Variants in ASB9 observed in about 807,000 individuals in gnomAD.
The protein encoded by ASB9 is ankyrin repeat and SOCS box containing 9, also known as ankyrin repeat and SOCS box protein 9.
A neutral mutation model predicts 16.6 loss-of-function variants in ASB9; 5 were observed. The observed-to-expected ratio is 0.30, with a 90% CI of 0.16 to 0.63. The LOEUF is 0.63. Ranked by LOEUF, ASB9 falls within the 30% of genes least tolerant of loss-of-function variation. The pLI is 0.82. For missense variants in ASB9, 216 were observed against 229.4 expected (o/e 0.94, Z 0.38); for synonymous variants, 100 against 86.4 (o/e 1.16, Z -0.87).
intron 5 of ASB9, among the ~76,000 whole-genome samples, chrX:15,249,205 T>C (rs1049444267): frequency 5.4e-5 from 6 of 112,128 alleles, no homozygotes; most frequent in African/African-American, 1.9e-4. Context: ...ATGATGCATA[T>C]AAGAAAAATC....
intron 2 of ASB9, among the ~76,000 whole-genome samples, chrX:15,257,818 T>C (rs1445205820): frequency 1.8e-5 from 2 of 112,576 alleles, no homozygotes; most frequent in Non-Finnish European, 3.7e-5. Flanking sequence ...ACTTTGGATG[T>C]GGTCATGTGA....
rs763038775 is a variant in ASB9 at position 15,258,891 on chromosome X, A to G, written c.149T>C (p.Leu50Pro). The G allele has an allele frequency of 2.5e-6, 3 of 1,211,469 alleles. No homozygotes were observed. The Admixed American group carries it at 6.5e-5, about 26-fold the overall frequency. Residue 50 changes from leucine to proline, a missense_variant, in exon 2 of 7, where the codon CTG (leucine) becomes CCG (proline). Transcript: ENST00000380488. ...MHEAAIHGHQ[L>P]SLRNLISQGW... The stretch of plus-strand genomic sequence containing the variant: ...CTGGCTGATGAGGTTCCTCAGAGAC[A>G]GCTGATGTCCGTGGATTGCAGCTTC...
intron 1 of ASB9, among the ~76,000 whole-genome samples, chrX:15,269,437 A>T (rs190982928): frequency 1.4e-4 from 16 of 112,203 alleles, no homozygotes; most frequent in African/African-American, 4.8e-4. Flanking sequence ...CTTACAAATT[A>T]AAAAGTTTTA....
chrX:15,265,701 T>C (rs1163493905), intron 1 of ASB9, among the ~76,000 whole-genome samples: 1 of 110,618 alleles, frequency 9.0e-6, no homozygotes, highest in Non-Finnish European at 1.9e-5. Context: ...AGTGGCATGA[T>C]CTCAGCTCAC....
chrX:15,256,674 G>A (rs1286055260), intron 2 of ASB9, among the ~76,000 whole-genome samples: 4 of 101,811 alleles, frequency 3.9e-5, no homozygotes, highest in African/African-American at 1.5e-4. Flanking sequence ...CTACTCGGGA[G>A]GCTGAGGCAG....
In ASB9 at chrX:15,268,207, T is replaced by C. The variant is rs936894031; in HGVS notation, c.94+1574A>G. On this transcript the variant is annotated intron_variant, in intron 1 of 6. Coordinates refer to ENST00000380488, the MANE Select transcript of ASB9 (RefSeq NM_001031739.3). ...ATTAGCCGGGTGTGGTGGCGGGCGC[T>C]TATAATCCCAGCTACTCGGGAGGCT... Among the ~76,000 whole-genome samples the C allele has an allele frequency of 6.5e-5, 7 of 107,023 alleles. No individual in the cohort carries two copies. The East Asian group carries it at 2.2e-3, about 33-fold the overall frequency. The allele number at this position is 107,023 out of a possible 115,157, so 92.9% of individuals were successfully genotyped here. A position where few individuals can be genotyped will look rare whatever the true frequency, so the allele number is the denominator to read the frequency against.
At position 15,254,859 on chromosome X, in the gene ASB9, ACAGT is replaced by A. The variant is rs1207816197; in HGVS notation, c.175-19_175-16del. On this transcript the variant is annotated splice_polypyrimidine_tract_variant and intron_variant, in intron 2 of 6. Coordinates refer to ENST00000380488, the MANE Select transcript of ASB9 (RefSeq NM_001031739.3). ...ACAGCCCACCCCTGAAGGAGGGGAA[ACAGT>A]CAGAGTAAGGGGTGCAAAGCAACAG... 2.5e-6 allele frequency: 3 copies of A among 1,181,158 alleles called. No homozygotes were observed. The highest frequency in any genetic ancestry group is 3.5e-6 in the Non-Finnish European group (3 of 868,018).
chrX:15,250,823 G>A (rs868293165), intron 4 of ASB9, among the ~76,000 whole-genome samples: 3 of 111,956 alleles, frequency 2.7e-5, no homozygotes, highest in Admixed American at 9.5e-5. Flanking sequence ...CTGGGTTCAC[G>A]CCATTCTCCT....
chrX:15,252,540 G>A (rs1435087667), intron 3 of ASB9, 136 bp from the exon 4 acceptor site: 7 of 636,846 alleles, frequency 1.1e-5, no homozygotes, highest in South Asian at 4.4e-5. Context: ...AAATAACTAC[G>A]AAATTCCACA....
intron 5 of ASB9, among the ~76,000 whole-genome samples, chrX:15,249,140 G>A (rs960366223): frequency 4.5e-5 from 5 of 112,167 alleles, no homozygotes; most frequent in Admixed American, 3.8e-4. Flanking sequence ...TACAGCATGA[G>A]GAATATAGCA....
chrX:15,258,907 T>C lies in ASB9; in HGVS notation c.133A>G (p.Ile45Val). 8.3e-7 allele frequency: 1 copy of C among 1,211,458 alleles called. No individual in the cohort carries two copies. The highest frequency in any genetic ancestry group is 3.0e-5 in the East Asian group (1 of 33,864). ...SDWSPMHEAA[I>V]HGHQLSLRNL... ...CTCAGAGACAGCTGATGTCCGTGGA[T>C]TGCAGCTTCATGCATAGGAGACCAA... The change falls in exon 2 of 7, where the codon ATC (isoleucine) becomes GTC (valine). Residue 45 changes from isoleucine to valine, a missense_variant. By Grantham distance (29) the Ile-to-Val change is conservative. Transcript: ENST00000380488.
intron 1 of ASB9, among the ~76,000 whole-genome samples, chrX:15,267,526 C>CTG (rs112644559): frequency 1.9e-5 from 1 of 51,617 alleles, no homozygotes; most frequent in Non-Finnish European, 3.8e-5. Context: ...GGGCGGATCA[C>CTG]GAGGTCAGGA....
chrX:15,261,660 C>CAGA (rs75683598), intron 1 of ASB9, among the ~76,000 whole-genome samples: 9,201 of 111,809 alleles, frequency 0.082, 261 homozygotes, highest in Middle Eastern at 0.2. Context: ...TGCACCTCTG[C>CAGA]AGAATGTAGT....
At chrX:15,264,061 T>C (rs1926191501) in intron 1 of ASB9, among the ~76,000 whole-genome samples, 2 of 111,940 alleles carry the variant, frequency 1.8e-5, no homozygotes, top group Admixed American at 1.9e-4. Context: ...TCCTAGAGGC[T>C]AGCAGTTGGC....
intron 1 of ASB9, among the ~76,000 whole-genome samples, chrX:15,262,125 CTTTTT>C (rs57262759): frequency 2.1e-5 from 2 of 93,413 alleles, no homozygotes; most frequent in Non-Finnish European, 2.1e-5. Flanking sequence ...TACTTCATTC[CTTTTT>C]TTTTTTTTTT....
chrX:15,265,294 C>A (rs149305374), intron 1 of ASB9, among the ~76,000 whole-genome samples: 1 of 112,032 alleles, frequency 8.9e-6, no homozygotes, highest in African/African-American at 3.2e-5. Context: ...TGTATCCTCC[C>A]CTCCTCATCC....
chrX:15,267,417 A>AATATAT (rs1555934602), intron 1 of ASB9, among the ~76,000 whole-genome samples: 51 of 77,966 alleles, frequency 6.5e-4, no homozygotes, highest in Middle Eastern at 6.3e-3. Flanking sequence ...CTAAAAAAAA[A>AATATAT]ATATATATAT....
intron 6 of ASB9, among the ~76,000 whole-genome samples, chrX:15,247,433 G>T (rs1924761670): frequency 8.9e-6 from 1 of 111,895 alleles, no homozygotes; most frequent in Non-Finnish European, 1.9e-5. Flanking sequence ...ATGCTATGAG[G>T]TTGTTTGATG....
intron 1 of ASB9, among the ~76,000 whole-genome samples, chrX:15,267,118 G>A (rs1200901374): frequency 8.8e-6 from 1 of 113,130 alleles, no homozygotes; most frequent in African/African-American, 3.2e-5. Flanking sequence ...TTTATCGGCC[G>A]GGCACAGTGG....
Sources: allele counts gnomAD v4.1 joint callset (sites outside exome capture counted in the v4.1 genomes callset), GRCh38; gene constraint gnomAD v4.1.1; transcripts MANE v1.5; gene names NCBI Gene and HGNC (gene_info 2026-07-23, HGNC 2026-07-21).